Variants in BET1 observed in about 807,000 individuals in gnomAD.
BET1 encodes the protein BET1 homolog.
In BET1, 9 loss-of-function variants were observed where a neutral mutation model predicts 13.9. The ratio of observed to expected loss-of-function variants is 0.65; its 90% CI spans 0.39 to 1.13. The LOEUF (loss-of-function observed/expected upper bound fraction) is 1.13, where lower values mean the gene tolerates loss of function less well. Ranked by LOEUF, BET1 falls within the 50% of genes most tolerant of loss-of-function variation. The pLI is 0.01. For missense variants in BET1, 127 were observed against 133.6 expected (o/e 0.95, Z 0.24); for synonymous variants, 39 against 47.3 (o/e 0.82, Z 0.72).
intron 5 of BET1, chr7:93,972,686 A>C (rs1795275386): frequency 6.6e-6 from 1 of 151,836 alleles, no homozygotes; most frequent in African/African-American, 2.4e-5. Flanking sequence ...AAAATTGAAT[A>C]TTATTTTTTC....
chr7:93,995,101 C>A (rs1795733858), intron 3 of BET1, among the ~76,000 whole-genome samples: 1 of 152,200 alleles, frequency 6.6e-6, no homozygotes. Flanking sequence ...CCACCTCATC[C>A]TCCCAAAATG....
intron 1 of BET1, among the ~76,000 whole-genome samples, chr7:94,001,003 T>C (rs1331685468): frequency 6.6e-6 from 1 of 152,290 alleles, no homozygotes; most frequent in Non-Finnish European, 1.5e-5. Context: ...AGTCTCCATA[T>C]GCTCAATGAG....
chr7:93,969,834 C>T (rs1795231085), intron 6 of BET1, among the ~76,000 whole-genome samples: 1 of 151,702 alleles, frequency 6.6e-6, no homozygotes, highest in Non-Finnish European at 1.5e-5. Flanking sequence ...GTTCTTTTCT[C>T]ACCTGGTTTA....
At chr7:93,987,755 A>G (rs937071935) in intron 4 of BET1, among the ~76,000 whole-genome samples, 1 of 152,184 alleles carries the variant, frequency 6.6e-6, no homozygotes, top group Non-Finnish European at 1.5e-5. Flanking sequence ...AAGCTAAGAT[A>G]CTTGATTACA....
rs369173116 is a variant in BET1 at position 93,994,336 on chromosome 7, T to C, written c.251A>G (p.Lys84Arg). The C allele has an allele frequency of 1.2e-6, 2 of 1,613,818 alleles. No homozygotes were observed. Among genetic ancestry groups the C allele is most frequent in the East Asian group, 4.5e-5 (2 of 44,824 alleles). ...GCTCCCTCTGGATAAAATCTTCAGT[T>C]TGCCCATAGTTTTACCTAGAAATCC... ...TTGFLGKTMG[K>R]LKILSRGSQT... Residue 84 changes from lysine (K) to arginine (R), a missense_variant, in exon 4 of 4, where the codon AAA (lysine) becomes AGA (arginine). Physicochemically the swap from Lys to Arg is conservative, Grantham distance 26. Coordinates refer to ENST00000222547, the MANE Select transcript of BET1 (RefSeq NM_005868.6).
downstream of BET1, chr7:93,992,791 T>C (rs2116107876): frequency 1.1e-6 from 1 of 907,334 alleles, no homozygotes; most frequent in Non-Finnish European, 1.3e-6. Flanking sequence ...ATGAAATAGA[T>C]GGTGTAATGA....
At chr7:93,975,906 C>G (rs1464562638) in exon 5 of BET1, 1 of 1,128,566 alleles carries the variant, frequency 8.9e-7, no homozygotes, top group Non-Finnish European at 1.1e-6. Context: ...AAACTTACTT[C>G]TTTCTTGGAA....
intron 3 of BET1, among the ~76,000 whole-genome samples, chr7:93,995,240 G>A (rs1490703053): frequency 1.3e-5 from 2 of 152,176 alleles, no homozygotes; most frequent in African/African-American, 4.8e-5. Context: ...GTAGTAAAAT[G>A]TGATAAGGAC....
chr7:93,993,852 T>C lies in BET1; in HGVS notation c.*378A>G, dbSNP rs1478361932. 2.6e-6 allele frequency: 4 copies of C among 1,535,038 alleles called. No individual in the cohort carries two copies. The Admixed American group carries it at 7.9e-5, about 30-fold the overall frequency. ...GGCTGACTACTTCAAGAGCTCAGAG[T>C]CAGGCTCTCCAGGCATTCTGTTACT... On this transcript the variant is annotated 3_prime_UTR_variant, in exon 4 of 4. Coordinates refer to ENST00000222547, the MANE Select transcript of BET1 (RefSeq NM_005868.6).
downstream of BET1, among the ~76,000 whole-genome samples, chr7:93,989,680 C>T (rs1258621945): frequency 6.6e-6 from 1 of 152,120 alleles, no homozygotes; most frequent in Non-Finnish European, 1.5e-5. Flanking sequence ...TCTTGGTGCT[C>T]AGTTTTCACT....
chr7:93,969,281 T>G (rs536029165), intron 6 of BET1, among the ~76,000 whole-genome samples: 3 of 151,854 alleles, frequency 2.0e-5, no homozygotes, highest in Non-Finnish European at 4.4e-5. Context: ...TTGAGTTCAT[T>G]TATCAATTTG....
At chr7:93,984,367 T>TTATAG (rs1413762828) in intron 4 of BET1, among the ~76,000 whole-genome samples, 2 of 152,182 alleles carry the variant, frequency 1.3e-5, no homozygotes, top group Non-Finnish European at 2.9e-5. Flanking sequence ...TGGGTGTACA[T>TTATAG]GAATCTTTAG....
chr7:93,990,216 A>C (rs879469968), downstream of BET1, among the ~76,000 whole-genome samples: 8 of 152,074 alleles, frequency 5.3e-5, no homozygotes, highest in Non-Finnish European at 1.2e-4. Flanking sequence ...TCTGAAATAC[A>C]AATTACCTCA....
chr7:94,001,223 AAC>A (rs1477214848), intron 1 of BET1, among the ~76,000 whole-genome samples: 1 of 152,194 alleles, frequency 6.6e-6, no homozygotes, highest in African/African-American at 2.4e-5. Flanking sequence ...TGTTTGACTC[AAC>A]ACTGTATGTC....
chr7:93,982,985 A>G (rs7795814), intron 4 of BET1, among the ~76,000 whole-genome samples: 4,139 of 152,232 alleles, frequency 0.027, 186 homozygotes, highest in African/African-American at 0.09. Context: ...CTAGGGAAAG[A>G]ACAGGGCAGA....
chr7:93,964,338 T>C (rs1795141741), exon 7 of BET1: 1 of 152,034 alleles, frequency 6.6e-6, no homozygotes, highest in South Asian at 2.1e-4. Context: ...AATGTTTAGC[T>C]CCCACTTATA....
At chr7:94,001,830 A>G (rs1795910758) in intron 1 of BET1, among the ~76,000 whole-genome samples, 1 of 152,182 alleles carries the variant, frequency 6.6e-6, no homozygotes, top group African/African-American at 2.4e-5. Flanking sequence ...ACATTTGACA[A>G]CTTCACCAAG....
intron 4 of BET1, among the ~76,000 whole-genome samples, chr7:93,983,244 G>T (rs2116072962): frequency 6.6e-6 from 1 of 152,274 alleles, no homozygotes; most frequent in East Asian, 1.9e-4. Flanking sequence ...CCCAATTCTA[G>T]TTGGAACACA....
chr7:93,987,493 A>G (rs1795548942), intron 4 of BET1, among the ~76,000 whole-genome samples: 1 of 152,096 alleles, frequency 6.6e-6, no homozygotes, highest in South Asian at 2.1e-4. Context: ...AGCTGGCATC[A>G]TCTTCACTGT....
Sources: allele counts gnomAD v4.1 joint callset (sites outside exome capture counted in the v4.1 genomes callset), GRCh38; gene constraint gnomAD v4.1.1; transcripts MANE v1.5; gene names NCBI Gene and HGNC (gene_info 2026-07-23, HGNC 2026-07-21).